INO80: variants seen among roughly 807,000 people sequenced by gnomAD.
INO80 encodes the protein INO80 complex ATPase subunit.
Under a neutral mutation model 203.4 loss-of-function variants are expected in INO80, and 20 were observed. The observed-to-expected ratio is 0.10, with a 90% confidence interval of 0.07 to 0.14. The LOEUF is 0.14. Among genes scored for constraint, INO80 ranks in the 10% least tolerant of loss-of-function variants. The pLI, the probability that INO80 is intolerant of heterozygous loss-of-function variation, is 1.00. For synonymous variants in INO80, 726 were observed against 685.2 expected (o/e 1.06, Z -0.93); for missense variants, 1,419 against 1,914.4 (o/e 0.74, Z 4.83).
intron 7 of INO80, 137 bp downstream of exon 7, chr15:41,085,232 C>T (rs2045543076): frequency 1.3e-6 from 1 of 743,844 alleles, no homozygotes; most frequent in Non-Finnish European, 2.3e-6. Context: ...TACTACTCAG[C>T]ATTTTCTTGA....
At chr15:41,109,484 T>G (rs976650012) in intron 1 of INO80, among the ~76,000 whole-genome samples, 2 of 150,440 alleles carry the variant, frequency 1.3e-5, no homozygotes, top group African/African-American at 4.9e-5. Context: ...CACTGCCGTA[T>G]TTATTACAAA....
At chr15:40,996,524 C>T (rs527341679) in intron 29 of INO80, among the ~76,000 whole-genome samples, 2 of 152,008 alleles carry the variant, frequency 1.3e-5, no homozygotes, top group South Asian at 4.2e-4. Flanking sequence ...CGTGGTTTCA[C>T]CATGTTGGCC....
chr15:41,096,329 T>A lies in INO80; in HGVS notation c.-19A>T, dbSNP rs565205132. 8 of 1,565,762 alleles carry A rather than the reference T, an allele frequency of 5.1e-6. No homozygotes were observed. Among genetic ancestry groups the A allele is most frequent in the Non-Finnish European group, 6.9e-6 (8 of 1,163,434 alleles). ...AGGCCATAGAACAAATCTGTCTTCA[T>A]GCACAAGGACCTCCGACTGCACGGC... On this transcript the variant is annotated 5_prime_UTR_variant, in exon 2 of 36. An upstream start codon of the reference 5' UTR is lost. Transcript: ENST00000648947.
At position 40,988,090 on chromosome 15, in the gene INO80, TATG is replaced by T. The variant is rs572778920; in HGVS notation, c.3571-119_3571-117del. The T allele has an allele frequency of 6.9e-4, 546 of 789,802 alleles. 3 individuals carry two copies. The East Asian group carries it at 0.012, about 17-fold the overall frequency. 48.9% of individuals were successfully genotyped at this position (789,802 alleles called of 1,614,324 possible). ...GCGTCAGTAGGGTCTGATTCGTTTC[TATG>T]ATATTGAGCTAAGTAAGATACATCT... is the stretch of plus-strand genomic sequence containing the variant. On this transcript the variant is annotated intron_variant, in intron 29 of 35. Transcript: ENST00000648947.
At chr15:41,091,971 G>GA in intron 5 of INO80, 56 bp downstream of exon 5, 1 of 1,450,856 alleles carries the variant, frequency 6.9e-7, no homozygotes, top group Non-Finnish European at 9.5e-7. Context: ...TATCTTTAAT[G>GA]ACTATAAAGC....
intron 25 of INO80, among the ~76,000 whole-genome samples, chr15:41,021,822 C>T (rs189150359): frequency 1.4e-4 from 22 of 152,356 alleles, no homozygotes; most frequent in African/African-American, 4.3e-4. Context: ...CCAAACAACA[C>T]TCAGCTGCTG....
intron 24 of INO80, among the ~76,000 whole-genome samples, chr15:41,034,100 A>C (rs2140495954): frequency 6.6e-6 from 1 of 151,978 alleles, no homozygotes; most frequent in African/African-American, 2.4e-5. Context: ...TATCCAAAAC[A>C]CCTCTAAGTA....
In INO80 at chr15:41,027,554, C is replaced by T. The variant is rs1282686114; in HGVS notation, c.3048+42G>A. On this transcript the variant is annotated intron_variant, in intron 25 of 35. Coordinates refer to ENST00000648947, the MANE Select transcript of INO80 (RefSeq NM_017553.3). ...TCCCTTAAAAATTGGTTTATTTCTC[C>T]TATTGCCATCTATTTCATCTCTTCC... The T allele has an allele frequency of 2.0e-6, 3 of 1,530,876 alleles. No individual in the cohort carries two copies. The African/African-American group carries it at 4.2e-5, about 21-fold the overall frequency. The allele number at this position is 1,530,876 out of a possible 1,614,324, so 94.8% of individuals were successfully genotyped here.
At position 40,979,753 on chromosome 15, in the gene INO80, CTG is replaced by C. The variant is rs751570514; in HGVS notation, c.*468_*469del. 9.1e-5 allele frequency: 16 copies of C among 174,908 alleles called. No homozygotes were observed. The highest frequency in any genetic ancestry group is 1.4e-4 in the African/African-American group (6 of 42,098). The allele number at this position is 174,908 out of a possible 1,614,324, so 10.8% of individuals were successfully genotyped here. ...AGAGACCTGGGGAGCTGCCTGAAGA[CTG>C]TGGACAACAGGTATACAATCTCCCT... On this transcript the variant is annotated 3_prime_UTR_variant, in exon 36 of 36. Coordinates refer to ENST00000648947, the MANE Select transcript of INO80 (RefSeq NM_017553.3).
At chr15:41,015,393 A>G (rs1049907095) in intron 27 of INO80, among the ~76,000 whole-genome samples, 7 of 152,214 alleles carry the variant, frequency 4.6e-5, no homozygotes, top group Admixed American at 3.9e-4. Context: ...GAGAATCACT[A>G]TATTAACTCA....
intron 28 of INO80, among the ~76,000 whole-genome samples, chr15:41,003,347 T>TTTTTTG (rs2043992066): frequency 7.0e-6 from 1 of 142,622 alleles, no homozygotes. Flanking sequence ...TTTTTTTTTT[T>TTTTTTG]TGAGATGGAG....
chr15:41,028,310 AT>A (rs2044408055), intron 24 of INO80, among the ~76,000 whole-genome samples: 2 of 152,112 alleles, frequency 1.3e-5, no homozygotes, highest in Non-Finnish European at 2.9e-5. Flanking sequence ...AAATTGTTGC[AT>A]TTTTGGTAGA....
intron 3 of INO80, 21 bp from the exon 4 acceptor site, chr15:41,095,689 A>C: frequency 1.2e-6 from 2 of 1,608,186 alleles, no homozygotes; most frequent in Non-Finnish European, 1.7e-6. Flanking sequence ...AAACACAAAG[A>C]ATAAAAAAAT....
At chr15:41,078,217 C>G (rs2140619289) in intron 9 of INO80, among the ~76,000 whole-genome samples, 1 of 152,016 alleles carries the variant, frequency 6.6e-6, no homozygotes, top group East Asian at 1.9e-4. Context: ...ATCTTTAACC[C>G]TAAAGAAGTT....
intron 27 of INO80, among the ~76,000 whole-genome samples, chr15:41,015,035 A>G (rs940258016): frequency 2.6e-5 from 4 of 152,200 alleles, no homozygotes; most frequent in South Asian, 4.1e-4. Flanking sequence ...TTATTTATAT[A>G]AAGACTTATT....
chr15:41,011,103 A>G (rs1429711869), intron 27 of INO80, among the ~76,000 whole-genome samples: 3 of 152,198 alleles, frequency 2.0e-5, no homozygotes, highest in African/African-American at 4.8e-5. Flanking sequence ...CCTTTCTTCT[A>G]TGCCATATGT....
At chr15:40,983,501 A>G (rs1380593011) in intron 34 of INO80, among the ~76,000 whole-genome samples, 3 of 152,194 alleles carry the variant, frequency 2.0e-5, no homozygotes, top group African/African-American at 7.2e-5. Context: ...CAAAGTGAGG[A>G]AAGGCCCAGA....
intron 27 of INO80, chr15:41,013,412 A>T (rs2044159621): frequency 6.6e-6 from 1 of 152,216 alleles, no homozygotes; most frequent in Admixed American, 6.5e-5. Context: ...TTAATGCTGA[A>T]ACATGGCTTT....
intron 35 of INO80, among the ~76,000 whole-genome samples, chr15:40,980,656 T>A (rs544984426): frequency 8.9e-4 from 135 of 152,250 alleles, no homozygotes; most frequent in African/African-American, 3.1e-3. Flanking sequence ...AAATGATACC[T>A]ACCCAACCCT....
Sources: gnomAD v4.1 joint callset for allele counts (sites outside exome capture counted in the v4.1 genomes callset) on GRCh38, gnomAD v4.1.1 for gene constraint, MANE v1.5 for transcripts, NCBI Gene and HGNC (gene_info 2026-07-23, HGNC 2026-07-21) for gene names.